The following NAV2 variants were observed in gnomAD, a reference collection of about 807,000 sequenced individuals.
NAV2 encodes neuron navigator 2, also known as helicase, APC down-regulated 1.
In NAV2, 54 loss-of-function variants were observed where a neutral mutation model predicts 223.2. That is an observed-to-expected ratio of 0.24 (90% CI 0.19 to 0.30). NAV2 has a LOEUF of 0.30. Ranked by LOEUF, NAV2 falls within the 10% of genes least tolerant of loss-of-function variation. The pLI is 1.00. For missense variants in NAV2, 2,806 were observed against 3,147.5 expected, an observed-to-expected ratio of 0.89 and a Z score of 2.60; for synonymous variants, 1,279 against 1,239.3, an observed-to-expected ratio of 1.03 and a Z score of -0.67.
chr11:20,019,691 A>G (rs1197135246), intron 11 of NAV2, among the ~76,000 whole-genome samples: 1 of 152,066 alleles, frequency 6.6e-6, no homozygotes, highest in Admixed American at 6.5e-5. Context: ...TAGGAGATTG[A>G]GAAGCGCAGT....
chr11:19,884,933 C>T (rs537371280), intron 5 of NAV2, among the ~76,000 whole-genome samples: 13 of 152,260 alleles, frequency 8.5e-5, no homozygotes, highest in Admixed American at 5.2e-4. Context: ...CTCTTAGGTG[C>T]CATGGAGACC....
upstream of NAV2, among the ~76,000 whole-genome samples, chr11:19,708,978 T>C (rs1185662644): frequency 6.6e-6 from 1 of 152,038 alleles, no homozygotes; most frequent in African/African-American, 2.4e-5. Flanking sequence ...CAGCTTGCCA[T>C]TCTCCAAACC....
chr11:20,065,373 A>C (rs2058977108), intron 20 of NAV2, among the ~76,000 whole-genome samples: 1 of 152,268 alleles, frequency 6.6e-6, no homozygotes, highest in Admixed American at 6.5e-5. Flanking sequence ...AATATTCAAG[A>C]ATGCTCATTC....
At chr11:19,470,817 C>T (rs1374265404) in intron 1 of NAV2, among the ~76,000 whole-genome samples, 2 of 152,126 alleles carry the variant, frequency 1.3e-5, no homozygotes, top group Non-Finnish European at 2.9e-5. Context: ...GCTCCCTTGG[C>T]TTTGGGGAGA....
intron 1 of NAV2, among the ~76,000 whole-genome samples, chr11:19,425,253 G>A (rs1353312493): frequency 6.6e-6 from 1 of 152,208 alleles, no homozygotes; most frequent in East Asian, 1.9e-4. Context: ...GTCTCATGCA[G>A]AAGGAAAGAA....
At chr11:19,513,010 C>T (rs1243816170) in intron 1 of NAV2, among the ~76,000 whole-genome samples, 2 of 152,154 alleles carry the variant, frequency 1.3e-5, no homozygotes, top group Admixed American at 1.3e-4. Flanking sequence ...CGTAACTCTA[C>T]CTGCACAGAG....
intron 1 of NAV2, among the ~76,000 whole-genome samples, chr11:19,568,412 G>C (rs2045332354): frequency 1.3e-5 from 2 of 152,258 alleles, no homozygotes; most frequent in African/African-American, 4.8e-5. Context: ...ACTCGAGGAA[G>C]GACATGGAGC....
At chr11:19,720,898 C>T (rs895759906) in intron 1 of NAV2, among the ~76,000 whole-genome samples, 3 of 152,150 alleles carry the variant, frequency 2.0e-5, no homozygotes, top group African/African-American at 7.2e-5. Context: ...CTTCAGTAGC[C>T]TCACCTATAA....
chr11:19,794,910 G>A (rs1244856028), intron 1 of NAV2, among the ~76,000 whole-genome samples: 5 of 151,974 alleles, frequency 3.3e-5, no homozygotes, highest in African/African-American at 4.8e-5. Flanking sequence ...TATATATCTC[G>A]AAAACTGCAT....
At position 19,473,130 on chromosome 11, in the gene NAV2, G is replaced by A. The variant is rs535210876; in HGVS notation, c.75+122103G>A. ...AGTCCTTGCTGATTTTCCCAGCCAT[G>A]TTTTCTGGTGGCCAGAGCCAACTGA... On this transcript the variant is annotated intron_variant, in intron 1 of 37. Transcript: ENST00000360655. Among the ~76,000 whole-genome samples, 113 of 152,294 alleles carry A rather than the reference G, an allele frequency of 7.4e-4. 1 individual carries two copies. Among genetic ancestry groups the A allele is most frequent in the African/African-American group, 2.6e-3 (109 of 41,548 alleles).
At chr11:19,839,962 C>G (rs1306379896) in intron 2 of NAV2, among the ~76,000 whole-genome samples, 1 of 152,210 alleles carries the variant, frequency 6.6e-6, no homozygotes, top group East Asian at 1.9e-4. Flanking sequence ...CAAAGACCCC[C>G]TGCCCTGAGT....
intron 3 of NAV2, among the ~76,000 whole-genome samples, chr11:19,862,518 A>T (rs1305872720): frequency 1.3e-5 from 2 of 152,226 alleles, no homozygotes; most frequent in Non-Finnish European, 2.9e-5. Context: ...GGCTTTCTTT[A>T]TACATCAGCC....
At position 20,077,643 on chromosome 11, in the gene NAV2, A is replaced by G. The variant is rs759980722; in HGVS notation, c.5067+8A>G. 2 of 1,610,924 alleles carry G rather than the reference A, an allele frequency of 1.2e-6. No individual in the cohort carries two copies. The highest frequency in any genetic ancestry group is 1.7e-5 in the Admixed American group (1 of 60,006). ...ATGACAGCTGAGCAGAAGGTAAGGCAGAAAGGATACTTTAACCCTCCCTAC... is the reference window on the plus strand; with the variant it reads ...ATGACAGCTGAGCAGAAGGTAAGGCGGAAAGGATACTTTAACCCTCCCTAC... On this transcript the variant is annotated splice_region_variant and intron_variant, in intron 23 of 37. Coordinates refer to ENST00000349880, the MANE Select transcript of NAV2 (RefSeq NM_145117.5).
chr11:19,419,477 T>C (rs1382157264), intron 1 of NAV2, among the ~76,000 whole-genome samples: 1 of 152,218 alleles, frequency 6.6e-6, no homozygotes, highest in Non-Finnish European at 1.5e-5. Flanking sequence ...AGCAATCGAC[T>C]GCTCCTCCCT....
chr11:19,416,503 T>A (rs1450238155), intron 1 of NAV2, among the ~76,000 whole-genome samples: 1 of 152,118 alleles, frequency 6.6e-6, no homozygotes, highest in Non-Finnish European at 1.5e-5. Context: ...TCAATATTGT[T>A]AAAATGGCCA....
chr11:19,695,888 A>AAAATAAAATAAAATAAT (rs2049319999), intron 1 of NAV2, among the ~76,000 whole-genome samples: 3 of 124,982 alleles, frequency 2.4e-5, no homozygotes, highest in Non-Finnish European at 4.6e-5. Flanking sequence ...TGGATGAAAT[A>AAAATAAAATAAAATAAT]ATAAAATAAA....
At position 20,045,005 on chromosome 11, in the gene NAV2, G is replaced by T. The variant is rs752882204; in HGVS notation, c.3237G>T (p.Arg1079Ser). Residue 1079 changes from arginine to serine, a missense_variant, in exon 14 of 38, where the codon AGG (arginine) becomes AGT (serine). By Grantham distance (110) the Arg-to-Ser change is moderately radical. Transcript: ENST00000349880. ...ACGCAAAGGTGTCTGAGAAAGGAAGGCTTTCTCCTAAAGCCTCCCAGGTGA... is the reference window on the plus strand; with the variant it reads ...ACGCAAAGGTGTCTGAGAAAGGAAGTCTTTCTCCTAAAGCCTCCCAGGTGA... Reference protein sequence around the residue: ...TDDAKVSEKGRLSPKASQVKR... With the variant: ...TDDAKVSEKGSLSPKASQVKR... The T allele has an allele frequency of 1.2e-6, 2 of 1,613,476 alleles. No homozygotes were observed. The highest frequency in any genetic ancestry group is 1.1e-5 in the South Asian group (1 of 90,996).
Position 20,045,040 on chromosome 11 carries a change from C to T in NAV2, c.3272C>T (p.Pro1091Leu). ...SPKASQVKRS[P>L]SDAGRSSGDE... ...AAAGCCTCCCAGGTGAAGCGCTCCC[C>T]ATCAGATGCAGGCCGGAGCAGTGGT... is the stretch of plus-strand genomic sequence containing the variant. Residue 1091 changes from proline to leucine, a missense_variant, in exon 14 of 38, where the codon CCA becomes CTA. By Grantham distance (98) the Pro-to-Leu change is moderately conservative. Transcript: ENST00000349880. The T allele has an allele frequency of 1.2e-6, 2 of 1,614,128 alleles. No homozygotes were observed. The highest frequency in any genetic ancestry group is 4.5e-5 in the East Asian group (2 of 44,866).
chr11:20,087,823 G>A (rs2060555795), intron 26 of NAV2, among the ~76,000 whole-genome samples: 1 of 152,158 alleles, frequency 6.6e-6, no homozygotes, highest in African/African-American at 2.4e-5. Flanking sequence ...TTGTGTCCAT[G>A]TCTCTGCCTC....
Sources: allele counts gnomAD v4.1 joint callset (sites outside exome capture counted in the v4.1 genomes callset), GRCh38; gene constraint gnomAD v4.1.1; transcripts MANE v1.5; gene names NCBI Gene and HGNC (gene_info 2026-07-23, HGNC 2026-07-21).